The following LGALS14 variants were observed in gnomAD, a reference collection of about 807,000 sequenced individuals.
LGALS14 encodes placental protein 13-like.
In LGALS14, 14 loss-of-function variants were observed where a neutral mutation model predicts 14.6. The ratio of observed to expected loss-of-function variants is 0.96; its 90% confidence interval spans 0.64 to 1.50. The LOEUF is 1.50. LGALS14 is among the 40% of genes most tolerant of loss of function. LGALS14 has a pLI of 0.00. For synonymous variants in LGALS14, 57 were observed against 63.9 expected, an observed-to-expected ratio of 0.89 and a Z score of 0.51; for missense variants, 180 against 172.0, an observed-to-expected ratio of 1.05 and a Z score of -0.26.
At position 39,706,580 on chromosome 19, in the gene LGALS14, T is replaced by C. The variant is rs766851349; in HGVS notation, c.16-17T>C. 1.9e-6 allele frequency: 3 copies of C among 1,606,774 alleles called. No individual in the cohort carries two copies. Among genetic ancestry groups the C allele is most frequent in the Non-Finnish European group, 2.6e-6 (3 of 1,173,470 alleles). On this transcript the variant is annotated splice_polypyrimidine_tract_variant and intron_variant, in intron 1 of 3. Coordinates refer to ENST00000392052, the MANE Select transcript of LGALS14 (RefSeq NM_020129.3). ...ACCTTACCCTTTAGCTCTCACTCAC[T>C]CTCCATACCCTGGCAGGTACCATAC...
At chr19:39,705,832 A>G in intron 1 of LGALS14, 3 of 1,584,380 alleles carry the variant, frequency 1.9e-6, no homozygotes, top group Non-Finnish European at 2.6e-6. Context: ...GTGACAGAGC[A>G]AGACCCTATC....
At position 39,707,379 on chromosome 19, in the gene LGALS14, G is replaced by A. The variant is rs1011510605; in HGVS notation, c.294G>A (p.Lys98=). 2 of 1,613,568 alleles carry A rather than the reference G, an allele frequency of 1.2e-6. No individual in the cohort carries two copies. The highest frequency in any genetic ancestry group is 2.2e-5 in the East Asian group (1 of 44,892). The change falls in exon 3 of 4, where the codon AAG becomes AAA. Residue 98 remains lysine (K), a synonymous_variant. Coordinates refer to ENST00000392052, the MANE Select transcript of LGALS14 (RefSeq NM_020129.3). ...AGCTGTGCATCTATGTGCGTCACAA[G>A]GAATACAAGGTGAGTACTTCAGGAT... ...PFELCIYVRH[K]EYKVMVNGQR... is the part of the protein sequence containing the mutation.
chr19:39,708,085 C>G (rs1973744599), intron 3 of LGALS14, among the ~76,000 whole-genome samples: 1 of 152,180 alleles, frequency 6.6e-6, no homozygotes, highest in Non-Finnish European at 1.5e-5. Context: ...ACTGGGATTA[C>G]AGGCATAAGC....
chr19:39,706,457 C>T (rs1017026777), intron 1 of LGALS14, 140 bp from the exon 2 acceptor site: 7 of 666,254 alleles, frequency 1.1e-5, no homozygotes, highest in Non-Finnish European at 1.1e-5. Context: ...GAATATGGGG[C>T]CCTGACTGTG....
At chr19:39,705,151 G>A (rs1252464186) in intron 1 of LGALS14, among the ~76,000 whole-genome samples, 2 of 152,164 alleles carry the variant, frequency 1.3e-5, no homozygotes, top group African/African-American at 4.8e-5. Context: ...CTTAACTGGT[G>A]GGGATCTTGG....
At position 39,706,616 on chromosome 19, in the gene LGALS14, T is replaced by C. The variant is rs1973717981; in HGVS notation, c.35T>C (p.Val12Ala). The part of the protein sequence containing the change: ...SSLPVPYTLP[V>A]SLPVGSCVII... Reference sequence around the variant, plus strand: ...TGGCAGGTACCATACACACTGCCTGTTTCCTTGCCTGTTGGTTCGTGCGTG... The same window carrying C: ...TGGCAGGTACCATACACACTGCCTGCTTCCTTGCCTGTTGGTTCGTGCGTG... Residue 12 changes from valine to alanine, a missense_variant, in exon 2 of 4, where the codon GTT becomes GCT. By Grantham distance (64) the Val-to-Ala change is moderately conservative. Coordinates refer to ENST00000392052, the MANE Select transcript of LGALS14 (RefSeq NM_020129.3). 6.2e-7 allele frequency: 1 copy of C among 1,614,018 alleles called. No individual in the cohort carries two copies. Among genetic ancestry groups the C allele is most frequent in the Non-Finnish European group, 8.5e-7 (1 of 1,179,878 alleles).
chr19:39,705,879 G>C, intron 1 of LGALS14: 2 of 1,611,278 alleles, frequency 1.2e-6, no homozygotes, highest in Non-Finnish European at 1.7e-6. Context: ...ACTTGCAGTC[G>C]TCGTAGAAAT....
At position 39,707,207 on chromosome 19, in the gene LGALS14, A is replaced by G. The variant is rs756054077; in HGVS notation, c.122A>G (p.Tyr41Cys). 1 of 1,614,052 alleles carries G rather than the reference A, an allele frequency of 6.2e-7. No homozygotes were observed. The highest frequency in any genetic ancestry group is 8.5e-7 in the Non-Finnish European group (1 of 1,179,960). Residue 41 changes from tyrosine to cysteine, a missense_variant, in exon 3 of 4, where the codon TAC becomes TGC. Transcript: ENST00000392052. Reference protein sequence around the residue: ...VKDPQLEVNFYTGMDEDSDIA... With the variant: ...VKDPQLEVNFCTGMDEDSDIA... Reference sequence around the variant, plus strand: ...GACCCACAGCTGGAGGTGAATTTCTACACTGGGATGGATGAGGACTCAGAT... The same window carrying G: ...GACCCACAGCTGGAGGTGAATTTCTGCACTGGGATGGATGAGGACTCAGAT...
At chr19:39,708,913 G>T (rs566058218) in intron 3 of LGALS14, among the ~76,000 whole-genome samples, 2 of 152,202 alleles carry the variant, frequency 1.3e-5, no homozygotes, top group African/African-American at 4.8e-5. Flanking sequence ...CGTCCCTGGT[G>T]ATGGGGATCT....
chr19:39,705,968 T>A, intron 1 of LGALS14: 2 of 1,613,982 alleles, frequency 1.2e-6, no homozygotes, highest in Non-Finnish European at 1.7e-6. Flanking sequence ...CAGTAATGTG[T>A]GCCGCTTCTG....
chr19:39,706,481 G>A, intron 1 of LGALS14, 116 bp from the exon 2 acceptor site: 3 of 741,020 alleles, frequency 4.0e-6, no homozygotes, highest in Non-Finnish European at 7.2e-6. Flanking sequence ...GGGTGAAAGG[G>A]GAGAGGCCTC....
At chr19:39,709,132 AAGAG>A (rs1973759980) in intron 3 of LGALS14, 61 bp from the exon 4 acceptor site, 1 of 961,540 alleles carries the variant, frequency 1.0e-6, no homozygotes, top group Non-Finnish European at 1.7e-6. Context: ...CTGGGCAGAG[AAGAG>A]AAAGGGCTGA....
rs984309488 is a variant in LGALS14 at position 39,707,247 on chromosome 19, C to G, written c.162C>G (p.Phe54Leu). ...MDEDSDIAFQ[F>L]RLHFGHPAIM... ...AGGACTCAGATATTGCTTTCCAATTCCGACTGCACTTTGGTCATCCTGCAA... is the reference window on the plus strand; with the variant it reads ...AGGACTCAGATATTGCTTTCCAATTGCGACTGCACTTTGGTCATCCTGCAA... Residue 54 changes from phenylalanine to leucine, a missense_variant, in exon 3 of 4, where the codon TTC becomes TTG. Physicochemically the swap from Phe to Leu is conservative, Grantham distance 22. Coordinates refer to ENST00000392052, the MANE Select transcript of LGALS14 (RefSeq NM_020129.3). 6.2e-7 allele frequency: 1 copy of G among 1,614,108 alleles called. No individual in the cohort carries two copies.
Position 39,707,406 on chromosome 19 carries a change from T to TTCCTGCTCTAAGAGCCCACAGAGC in LGALS14, c.303+21_303+22insTGCTCTAAGAGCCCACAGAGCTCC. ...AATACAAGGTGAGTACTTCAGGATC[T>TTCCTGCTCTAAGAGCCCACAGAGC]TCCAGCGCTGGAGCTCTGTGGGCTC... On this transcript the variant is annotated intron_variant, in intron 3 of 3. Transcript: ENST00000392052. The TTCCTGCTCTAAGAGCCCACAGAGC allele has an allele frequency of 6.2e-7, 1 of 1,603,478 alleles. No individual in the cohort carries two copies. Among genetic ancestry groups the TTCCTGCTCTAAGAGCCCACAGAGC allele is most frequent in the Non-Finnish European group, 8.5e-7 (1 of 1,172,212 alleles).
chr19:39,708,598 A>T (rs1022485326), intron 3 of LGALS14, among the ~76,000 whole-genome samples: 1 of 152,244 alleles, frequency 6.6e-6, no homozygotes, highest in Non-Finnish European at 1.5e-5. Context: ...TCTAATGAGT[A>T]GGCCAAAAGA....
chr19:39,705,801 C>A, intron 1 of LGALS14: 1 of 1,338,826 alleles, frequency 7.5e-7, no homozygotes, highest in Non-Finnish European at 1.0e-6. Flanking sequence ...GCTGTGATTG[C>A]ACCACTGCAT....
At chr19:39,708,517 C>G (rs1326651308) in intron 3 of LGALS14, among the ~76,000 whole-genome samples, 1 of 152,086 alleles carries the variant, frequency 6.6e-6, no homozygotes, top group Non-Finnish European at 1.5e-5. Context: ...AAAATTAACA[C>G]TAAGAAGGTG....
In LGALS14 at chr19:39,707,345, A is replaced by C. The variant is rs780180625; in HGVS notation, c.260A>C (p.Lys87Thr). 3 of 1,614,126 alleles carry C rather than the reference A, an allele frequency of 1.9e-6. No homozygotes were observed. The highest frequency in any genetic ancestry group is 2.5e-6 in the Non-Finnish European group (3 of 1,179,954). The change falls in exon 3 of 4, where the codon AAA becomes ACA. Residue 87 changes from lysine (K) to threonine (T), a missense_variant. Transcript: ENST00000392052. Reference protein sequence around the residue: ...KCYYLPFEDGKPFELCIYVRH... With the variant: ...KCYYLPFEDGTPFELCIYVRH... ...TACTATTTACCCTTTGAAGATGGCA[A>C]ACCATTTGAGCTGTGCATCTATGTG...
chr19:39,707,693 AT>A (rs1234928533), intron 3 of LGALS14, among the ~76,000 whole-genome samples: 3 of 152,188 alleles, frequency 2.0e-5, no homozygotes, highest in African/African-American at 7.2e-5. Flanking sequence ...AATGTATACT[AT>A]ATACTTAAGA....
Sources: gnomAD v4.1 joint callset for allele counts (sites outside exome capture counted in the v4.1 genomes callset) on GRCh38, gnomAD v4.1.1 for gene constraint, MANE v1.5 for transcripts, NCBI Gene and HGNC (gene_info 2026-07-23, HGNC 2026-07-21) for gene names.